SEMA5A: variants seen among roughly 807,000 people sequenced by gnomAD.
SEMA5A encodes the protein semaphorin 5A.
Under a neutral mutation model 135.5 loss-of-function variants are expected in SEMA5A, and 55 were observed. The ratio of observed to expected loss-of-function variants is 0.41; its 90% CI spans 0.33 to 0.51. The LOEUF is 0.51. Ranked by LOEUF, SEMA5A falls within the 20% of genes least tolerant of loss-of-function variation. SEMA5A has a pLI of 0.37. For synonymous variants in SEMA5A, 580 were observed against 546.5 expected (o/e 1.06, Z -0.85); for missense variants, 1,290 against 1,419.9 (o/e 0.91, Z 1.47).
At chr5:9,263,443 T>G (rs908129547) in intron 5 of SEMA5A, among the ~76,000 whole-genome samples, 1 of 152,166 alleles carries the variant, frequency 6.6e-6, no homozygotes, top group Non-Finnish European at 1.5e-5. Flanking sequence ...CTAGGTTATC[T>G]ACTCTTTATG....
chr5:9,294,192 C>T (rs781198092), intron 5 of SEMA5A, among the ~76,000 whole-genome samples: 5 of 152,170 alleles, frequency 3.3e-5, no homozygotes, highest in African/African-American at 7.2e-5. Flanking sequence ...TCCGGTACAT[C>T]GTCACCTCCC....
intron 12 of SEMA5A, among the ~76,000 whole-genome samples, chr5:9,148,268 T>C (rs1742447613): frequency 6.6e-6 from 1 of 152,202 alleles, no homozygotes; most frequent in African/African-American, 2.4e-5. Context: ...CATTCATTTA[T>C]TCAAAAGGTA....
At chr5:9,211,863 T>G (rs1460195112) in intron 8 of SEMA5A, among the ~76,000 whole-genome samples, 1 of 152,190 alleles carries the variant, frequency 6.6e-6, no homozygotes, top group African/African-American at 2.4e-5. Flanking sequence ...TTATAATAGC[T>G]CATAAAAAAT....
At chr5:9,272,998 G>A (rs960678161) in intron 5 of SEMA5A, among the ~76,000 whole-genome samples, 12 of 152,158 alleles carry the variant, frequency 7.9e-5, no homozygotes, top group South Asian at 6.2e-4. Flanking sequence ...AAAACTGGAC[G>A]GAGAATGAGT....
chr5:9,053,981 C>A (rs763135070), intron 19 of SEMA5A, 106 bp downstream of exon 19: 2 of 1,328,330 alleles, frequency 1.5e-6, no homozygotes, highest in South Asian at 1.5e-5. Context: ...TGCCCACCCC[C>A]CTTTCAGTAC....
At chr5:9,479,988 CT>C (rs949934739) in intron 1 of SEMA5A, among the ~76,000 whole-genome samples, 3 of 152,192 alleles carry the variant, frequency 2.0e-5, no homozygotes, top group East Asian at 1.9e-4. Flanking sequence ...GATAAATGTT[CT>C]TTTTTTTCTC....
At chr5:9,452,569 T>C (rs574094553) in intron 1 of SEMA5A, among the ~76,000 whole-genome samples, 1 of 152,312 alleles carries the variant, frequency 6.6e-6, no homozygotes, top group East Asian at 1.9e-4. Flanking sequence ...TTATTAAGGC[T>C]ATGTTGAAAT....
Position 9,441,712 on chromosome 5 carries a change from G to T in SEMA5A, c.-174-3860C>A, listed in dbSNP as rs552628274. ...GGTGGCAGGCCAAGGAGCAGGGAGG[G>T]TGGCATCAGGAGTGTGTGGAGGCAG... On this transcript the variant is annotated intron_variant, in intron 1 of 22. Coordinates refer to ENST00000382496, the MANE Select transcript of SEMA5A (RefSeq NM_003966.3). Among the ~76,000 whole-genome samples, 10 of 152,300 alleles carry T rather than the reference G, an allele frequency of 6.6e-5. No individual in the cohort carries two copies. The East Asian group carries it at 1.9e-3, about 29-fold the overall frequency.
At chr5:9,224,140 T>G (rs1209967680) in intron 8 of SEMA5A, among the ~76,000 whole-genome samples, 1 of 152,204 alleles carries the variant, frequency 6.6e-6, no homozygotes, top group African/African-American at 2.4e-5. Flanking sequence ...CTCGCCTCCT[T>G]ATTAACTGAG....
At chr5:9,192,720 A>G (rs1359040004) in intron 10 of SEMA5A, among the ~76,000 whole-genome samples, 2 of 152,218 alleles carry the variant, frequency 1.3e-5, no homozygotes, top group African/African-American at 4.8e-5. Context: ...TCTAATGTCT[A>G]CGCAGAAAGG....
intron 1 of SEMA5A, among the ~76,000 whole-genome samples, chr5:9,471,266 T>C (rs1195032279): frequency 6.6e-6 from 1 of 152,196 alleles, no homozygotes; most frequent in Admixed American, 6.5e-5. Context: ...TTGGGGCTGA[T>C]GTCTCAGTTC....
Position 9,181,052 on chromosome 5 carries a change from C to T in SEMA5A, c.1273+9215G>A, listed in dbSNP as rs370111528. 2.6e-5 allele frequency among the ~76,000 whole-genome samples: 4 copies of T among 152,256 alleles called. No homozygotes were observed. The East Asian group carries it at 5.8e-4, about 22-fold the overall frequency. On this transcript the variant is annotated intron_variant, in intron 11 of 22. Coordinates refer to ENST00000382496, the MANE Select transcript of SEMA5A (RefSeq NM_003966.3). Reference sequence around the variant, plus strand: ...CAGGGGAGGTCCCTGGTTACATTTCCTCCCTGGTGCTCAGGGCAAAGCTAA... The same window carrying T: ...CAGGGGAGGTCCCTGGTTACATTTCTTCCCTGGTGCTCAGGGCAAAGCTAA...
rs188352327 is a variant in SEMA5A, at chr5:9,454,119, G to A, written c.-174-16267C>T. 1.9e-3 allele frequency among the ~76,000 whole-genome samples: 288 copies of A among 152,292 alleles called. 1 individual carries two copies. The highest frequency in any genetic ancestry group is 2.9e-3 in the South Asian group (14 of 4,824). ...GACCTTTCTGAAGTCATCCTGGAGT[G>A]AAAAATAGACTCCTCAGAAACACAA... On this transcript the variant is annotated intron_variant, in intron 1 of 22. Coordinates refer to ENST00000382496, the MANE Select transcript of SEMA5A (RefSeq NM_003966.3).
chr5:9,279,334 C>G (rs1225236344), intron 5 of SEMA5A, among the ~76,000 whole-genome samples: 2 of 152,128 alleles, frequency 1.3e-5, no homozygotes, highest in African/African-American at 4.8e-5. Context: ...GAATATTTGC[C>G]CAATGCCTGT....
intron 2 of SEMA5A, among the ~76,000 whole-genome samples, chr5:9,425,891 G>A (rs1485388207): frequency 6.6e-6 from 1 of 152,086 alleles, no homozygotes; most frequent in Non-Finnish European, 1.5e-5. Flanking sequence ...TTATCCACTG[G>A]GCTCAGCCAT....
chr5:9,172,774 G>C (rs1235241606), intron 11 of SEMA5A, among the ~76,000 whole-genome samples: 1 of 151,982 alleles, frequency 6.6e-6, no homozygotes, highest in Non-Finnish European at 1.5e-5. Context: ...ATATTTTCTG[G>C]TTATAAGAAA....
intron 8 of SEMA5A, among the ~76,000 whole-genome samples, chr5:9,219,184 G>A (rs1035009551): frequency 6.6e-6 from 1 of 152,220 alleles, no homozygotes; most frequent in South Asian, 2.1e-4. Flanking sequence ...CTATTCTGTG[G>A]AGAGTGGGTC....
At chr5:9,311,483 T>C (rs1752129576) in intron 5 of SEMA5A, among the ~76,000 whole-genome samples, 1 of 150,066 alleles carries the variant, frequency 6.7e-6, no homozygotes, top group Non-Finnish European at 1.5e-5. Flanking sequence ...CCCAGTAAAC[T>C]ATCGCAAGGA....
intron 1 of SEMA5A, among the ~76,000 whole-genome samples, chr5:9,445,212 A>G (rs575940159): frequency 6.6e-6 from 1 of 152,246 alleles, no homozygotes; most frequent in African/African-American, 2.4e-5. Flanking sequence ...ATGACATGGG[A>G]GGTCTCTGCC....
Sources: gnomAD v4.1 joint callset for allele counts (sites outside exome capture counted in the v4.1 genomes callset) on GRCh38, gnomAD v4.1.1 for gene constraint, MANE v1.5 for transcripts, NCBI Gene and HGNC (gene_info 2026-07-23, HGNC 2026-07-21) for gene names.